Variants in TMED3 observed in about 807,000 individuals in gnomAD.
TMED3 encodes the protein transmembrane emp24 domain-containing protein 3.
TMED3 carries 9 observed loss-of-function variants against 15.0 expected under a neutral mutation model. The ratio of observed to expected loss-of-function variants is 0.60; its 90% CI spans 0.36 to 1.04. TMED3 has a LOEUF of 1.04. Ranked by LOEUF, TMED3 falls within the 50% of genes least tolerant of loss-of-function variation. The pLI, the probability that TMED3 is intolerant of heterozygous loss-of-function variation, is 0.01. For missense variants in TMED3, 267 were observed against 278.9 expected (o/e 0.96, Z 0.30); for synonymous variants, 117 against 121.4 (o/e 0.96, Z 0.24).
At chr15:79,386,033 T>G (rs186671415) in intron 2 of TMED3, among the ~76,000 whole-genome samples, 8 of 152,276 alleles carry the variant, frequency 5.3e-5, no homozygotes, top group Non-Finnish European at 7.4e-5. Context: ...GAAAGTAGTA[T>G]GAATAATGGA....
At chr15:79,321,842 G>GT in intron 2 of TMED3, 136 bp from the exon 3 acceptor site, 1 of 1,130,184 alleles carries the variant, frequency 8.8e-7, no homozygotes, top group Non-Finnish European at 1.2e-6. Flanking sequence ...ATAAAACCAC[G>GT]TAAAACCCTT....
At chr15:79,388,699 A>T (rs150338563) in intron 2 of TMED3, among the ~76,000 whole-genome samples, 3 of 152,060 alleles carry the variant, frequency 2.0e-5, no homozygotes, top group African/African-American at 7.2e-5. Flanking sequence ...TGGCTGTACT[A>T]GTTCCTACCA....
intron 2 of TMED3, among the ~76,000 whole-genome samples, chr15:79,361,482 G>A (rs898234863): frequency 3.9e-5 from 6 of 152,200 alleles, no homozygotes; most frequent in Admixed American, 3.9e-4. Context: ...AACGTCATAT[G>A]TTCTCACTTA....
chr15:79,366,784 G>A (rs1893245388), intron 2 of TMED3, among the ~76,000 whole-genome samples: 1 of 152,224 alleles, frequency 6.6e-6, no homozygotes, highest in East Asian at 1.9e-4. Context: ...AAGCTCCAAG[G>A]TGACGGTGAA....
chr15:79,355,987 A>C (rs1324742101), intron 2 of TMED3, among the ~76,000 whole-genome samples: 2 of 152,226 alleles, frequency 1.3e-5, no homozygotes, highest in Non-Finnish European at 2.9e-5. Context: ...TTATAAACTA[A>C]ATGTCAGAGA....
intron 2 of TMED3, among the ~76,000 whole-genome samples, chr15:79,345,144 T>G (rs1420489463): frequency 6.6e-6 from 1 of 152,158 alleles, no homozygotes; most frequent in East Asian, 1.9e-4. Context: ...AAAAATTTAT[T>G]TACTTTATTT....
In TMED3 at chr15:79,401,586, A is replaced by G. The variant is rs565414696; in HGVS notation, c.418-9814A>G. ...AATGAACAGCACAGCTCCCCCAACT[A>G]TGAATTATCTGTTCCCAAATGTCAA... is the stretch of plus-strand genomic sequence containing the variant. On this transcript the variant is annotated intron_variant, in intron 2 of 2. Coordinates refer to the TMED3 transcript ENST00000424155. Among the ~76,000 whole-genome samples, 217 of 152,154 alleles carry G rather than the reference A, an allele frequency of 1.4e-3. 1 individual carries two copies. The highest frequency in any genetic ancestry group is 4.5e-3 in the African/African-American group (185 of 41,518).
At chr15:79,361,240 A>G (rs1001656206) in intron 2 of TMED3, among the ~76,000 whole-genome samples, 4 of 152,230 alleles carry the variant, frequency 2.6e-5, no homozygotes, top group Admixed American at 6.5e-5. Flanking sequence ...TGGATTACAG[A>G]AGACTTAGGT....
chr15:79,370,513 A>C (rs1014307226), intron 2 of TMED3, among the ~76,000 whole-genome samples: 5 of 151,950 alleles, frequency 3.3e-5, no homozygotes, highest in African/African-American at 1.2e-4. Flanking sequence ...CACCTCAACC[A>C]TCCCCTTTTG....
At chr15:79,386,200 A>G (rs78439980) in intron 2 of TMED3, among the ~76,000 whole-genome samples, 128 of 152,362 alleles carry the variant, frequency 8.4e-4, no homozygotes, top group African/African-American at 2.8e-3. Context: ...AAAGTTCTGA[A>G]GATCTATTGT....
At chr15:79,362,298 T>G (rs1001607788) in intron 2 of TMED3, among the ~76,000 whole-genome samples, 1 of 97,898 alleles carries the variant, frequency 1.0e-5, no homozygotes, top group African/African-American at 3.2e-5. Context: ...TGATCTTGCC[T>G]CTATAAAAAA....
At chr15:79,345,624 G>A (rs1187033554) in intron 2 of TMED3, among the ~76,000 whole-genome samples, 1 of 152,144 alleles carries the variant, frequency 6.6e-6, no homozygotes, top group Non-Finnish European at 1.5e-5. Flanking sequence ...ACATACATGT[G>A]TCTTTATAAC....
intron 2 of TMED3, among the ~76,000 whole-genome samples, chr15:79,409,149 C>T (rs899888134): frequency 2.6e-5 from 4 of 152,064 alleles, no homozygotes; most frequent in African/African-American, 9.7e-5. Context: ...ACATTTCCAA[C>T]TGCAGGATGC....
At chr15:79,324,049 G>A (rs1266753910), downstream of TMED3, among the ~76,000 whole-genome samples, 1 of 152,106 alleles carries the variant, frequency 6.6e-6, no homozygotes, top group Non-Finnish European at 1.5e-5. Context: ...GGAGTGCAGT[G>A]GTGCAGTCTC....
At chr15:79,362,825 CTG>C (rs747978740) in intron 2 of TMED3, among the ~76,000 whole-genome samples, 1 of 152,220 alleles carries the variant, frequency 6.6e-6, no homozygotes, top group African/African-American at 2.4e-5. Context: ...CCATGTGGAA[CTG>C]TGAGTCCATT....
chr15:79,376,113 T>G (rs1251504273), intron 2 of TMED3, among the ~76,000 whole-genome samples: 29 of 93,836 alleles, frequency 3.1e-4, no homozygotes, highest in African/African-American at 1.2e-3. Context: ...TTTTTTTTTT[T>G]TTTTTTTTTT....
chr15:79,359,635 G>T (rs12438697), intron 2 of TMED3, among the ~76,000 whole-genome samples: 17,378 of 152,160 alleles, frequency 0.11, 1,350 homozygotes, highest in East Asian at 0.4. Flanking sequence ...GGAATAAACA[G>T]CTCCACAAAT....
chr15:79,326,039 G>A (rs551920137), downstream of TMED3, among the ~76,000 whole-genome samples: 19 of 152,026 alleles, frequency 1.2e-4, no homozygotes, highest in Non-Finnish European at 2.2e-4. Context: ...AGCTATCTAG[G>A]CATCTTTCAA....
At chr15:79,314,645 A>G in intron 2 of TMED3, 2 of 434,234 alleles carry the variant, frequency 4.6e-6, no homozygotes, top group South Asian at 3.2e-5. Flanking sequence ...TCACCTGCTC[A>G]TGTCCCATGG....
Sources: gnomAD v4.1 joint callset for allele counts (sites outside exome capture counted in the v4.1 genomes callset) on GRCh38, gnomAD v4.1.1 for gene constraint, MANE v1.5 for transcripts, NCBI Gene and HGNC (gene_info 2026-07-23, HGNC 2026-07-21) for gene names.